SPDYA: variants seen among roughly 807,000 people sequenced by gnomAD.
SPDYA encodes speedy protein A.
In SPDYA, 11 loss-of-function variants were observed where a neutral mutation model predicts 36.7. That is an observed-to-expected ratio of 0.30 (90% CI 0.19 to 0.50). The LOEUF (loss-of-function observed/expected upper bound fraction) is 0.50. SPDYA is among the 20% of genes least tolerant of loss of function. SPDYA has a pLI of 0.98. For missense variants in SPDYA, 287 were observed against 370.9 expected, an observed-to-expected ratio of 0.77 and a Z score of 1.86; for synonymous variants, 115 against 118.7, an observed-to-expected ratio of 0.97 and a Z score of 0.20.
At chr2:28,819,335 C>A in intron 4 of SPDYA, among the ~76,000 whole-genome samples, 1 of 151,638 alleles carries the variant, frequency 6.6e-6, no homozygotes, top group East Asian at 1.9e-4. Context: ...ATAGTGAGAC[C>A]CCCATCTCTA....
chr2:28,823,741 AT>A, intron 5 of SPDYA, among the ~76,000 whole-genome samples: 6 of 54,094 alleles, frequency 1.1e-4, no homozygotes, highest in East Asian at 5.9e-4. Flanking sequence ...ATATATATAT[AT>A]ATAAAATTTT....
chr2:28,828,935 A>G (rs1668405689), intron 5 of SPDYA, among the ~76,000 whole-genome samples: 1 of 152,256 alleles, frequency 6.6e-6, no homozygotes, highest in African/African-American at 2.4e-5. Context: ...ACTGCATCCC[A>G]GAACAAAGCT....
intron 4 of SPDYA, among the ~76,000 whole-genome samples, chr2:28,819,994 G>C (rs1327168822): frequency 6.7e-6 from 1 of 149,564 alleles, no homozygotes; most frequent in Non-Finnish European, 1.5e-5. Context: ...CTGGGTGACA[G>C]AGCCAGACCC....
intron 3 of SPDYA, among the ~76,000 whole-genome samples, chr2:28,818,095 G>A (rs1233107429): frequency 6.6e-6 from 1 of 151,524 alleles, no homozygotes; most frequent in Admixed American, 6.6e-5. Context: ...AACCCAGGAG[G>A]TTGAGGCTAC....
chr2:28,836,027 C>T (rs1273959871), intron 6 of SPDYA, among the ~76,000 whole-genome samples: 2 of 152,228 alleles, frequency 1.3e-5, no homozygotes, highest in Admixed American at 6.5e-5. Context: ...AGTCCCATAT[C>T]CTAAAATAAC....
intron 4 of SPDYA, 25 bp from the exon 5 acceptor site, chr2:28,822,300 T>A: frequency 8.4e-7 from 1 of 1,189,196 alleles, no homozygotes; most frequent in South Asian, 1.6e-5. Flanking sequence ...ACATTAATAT[T>A]AATTTTTAAC....
intron 1 of SPDYA, among the ~76,000 whole-genome samples, chr2:28,812,469 AAAAGAAAG>A (rs70956046): frequency 2.0e-5 from 3 of 149,156 alleles, no homozygotes; most frequent in South Asian, 2.1e-4. Flanking sequence ...TACCAAAAAA[AAAAGAAAG>A]AAAGAAAGAA....
intron 7 of SPDYA, among the ~76,000 whole-genome samples, chr2:28,842,746 T>C (rs765159531): frequency 1.3e-5 from 2 of 152,206 alleles, no homozygotes; most frequent in Non-Finnish European, 2.9e-5. Context: ...TGTACACATA[T>C]TTTACCAGTA....
At chr2:28,844,048 C>T (rs1668813726) in intron 7 of SPDYA, among the ~76,000 whole-genome samples, 1 of 152,104 alleles carries the variant, frequency 6.6e-6, no homozygotes, top group South Asian at 2.1e-4. Flanking sequence ...TAATCTAAAA[C>T]CAAGTAATTT....
intron 6 of SPDYA, among the ~76,000 whole-genome samples, chr2:28,837,478 G>A (rs551253638): frequency 6.6e-6 from 1 of 152,194 alleles, no homozygotes; most frequent in Admixed American, 6.5e-5. Context: ...CAACAGGTAT[G>A]GTAAAAGTCA....
chr2:28,848,144 C>G (rs184530888), intron 7 of SPDYA, among the ~76,000 whole-genome samples: 20 of 152,298 alleles, frequency 1.3e-4, no homozygotes, highest in Admixed American at 1.2e-3. Context: ...ATAAAGGCAT[C>G]ATTATTATAT....
rs561418168 is a variant in SPDYA, at chr2:28,824,118, C to T, written c.380+1708C>T. On this transcript the variant is annotated intron_variant, in intron 5 of 7. Coordinates refer to ENST00000334056, the MANE Select transcript of SPDYA (RefSeq NM_182756.4). ...ATATTTAAGTTGAATACCACAATAG[C>T]TGTCAGCACTGAAGGTAAAGTTTTT... Among the ~76,000 whole-genome samples, 3 of 152,136 alleles carry T rather than the reference C, an allele frequency of 2.0e-5. No individual in the cohort carries two copies. The South Asian group carries it at 6.2e-4, about 32-fold the overall frequency.
chr2:28,818,578 C>A (rs1668053235), intron 3 of SPDYA, among the ~76,000 whole-genome samples: 2 of 151,864 alleles, frequency 1.3e-5, no homozygotes, highest in Admixed American at 6.6e-5. Flanking sequence ...ATTTTACCTA[C>A]TTTCTAGATG....
chr2:28,846,630 T>A (rs1039859056), intron 7 of SPDYA, among the ~76,000 whole-genome samples: 3 of 151,824 alleles, frequency 2.0e-5, no homozygotes, highest in Non-Finnish European at 4.4e-5. Flanking sequence ...ATACTTATTG[T>A]TTGGAGGAAG....
chr2:28,849,679 C>T (rs1168776873), intron 7 of SPDYA, 171 bp from the exon 8 acceptor site: 2 of 512,268 alleles, frequency 3.9e-6, no homozygotes, highest in Admixed American at 4.0e-5. Context: ...GAGCCTGTTA[C>T]ATCTTTTGTT....
chr2:28,846,047 C>T (rs534210656), intron 7 of SPDYA, among the ~76,000 whole-genome samples: 1 of 152,242 alleles, frequency 6.6e-6, no homozygotes, highest in East Asian at 1.9e-4. Flanking sequence ...CCCACAATCG[C>T]AGAACTATAT....
intron 7 of SPDYA, among the ~76,000 whole-genome samples, chr2:28,846,572 A>G (rs1244828825): frequency 1.3e-5 from 2 of 152,182 alleles, no homozygotes; most frequent in African/African-American, 4.8e-5. Context: ...ACATAGACAT[A>G]GAAGGCTAAC....
intron 6 of SPDYA, among the ~76,000 whole-genome samples, chr2:28,839,662 C>T (rs1207594268): frequency 1.3e-5 from 2 of 152,054 alleles, no homozygotes; most frequent in African/African-American, 4.8e-5. Flanking sequence ...CAACCACGCC[C>T]GGCTAATTTT....
intron 7 of SPDYA, among the ~76,000 whole-genome samples, chr2:28,846,303 G>C (rs560351675): frequency 3.9e-5 from 6 of 152,298 alleles, no homozygotes; most frequent in South Asian, 2.1e-4. Flanking sequence ...AGCTACTCCA[G>C]AGACTGAGGC....
Sources: allele counts gnomAD v4.1 joint callset (sites outside exome capture counted in the v4.1 genomes callset), GRCh38; gene constraint gnomAD v4.1.1; transcripts MANE v1.5; gene names NCBI Gene and HGNC (gene_info 2026-07-23, HGNC 2026-07-21).